The following CLVS1 variants were observed in gnomAD, a reference collection of about 807,000 sequenced individuals.
The protein encoded by CLVS1 is clavesin-1.
CLVS1 carries 10 observed loss-of-function variants against 33.1 expected under a neutral mutation model. The observed-to-expected ratio is 0.30, with a 90% CI of 0.19 to 0.51. CLVS1 has a LOEUF of 0.51. Ranked by LOEUF, CLVS1 falls within the 20% of genes least tolerant of loss-of-function variation. CLVS1 has a pLI of 0.97. For synonymous variants in CLVS1, 163 were observed against 166.1 expected, an observed-to-expected ratio of 0.98 and a Z score of 0.14; for missense variants, 343 against 433.4, an observed-to-expected ratio of 0.79 and a Z score of 1.85.
chr8:61,130,022 G>A (rs571044381), intron 1 of CLVS1, among the ~76,000 whole-genome samples: 1 of 152,082 alleles, frequency 6.6e-6, no homozygotes, highest in Non-Finnish European at 1.5e-5. Context: ...TGGATCACTT[G>A]AGGCCAGGAG....
the CLVS1 span, among the ~76,000 whole-genome samples, chr8:61,023,014 CAA>C: frequency 6.6e-6 from 1 of 152,158 alleles, no homozygotes; most frequent in Non-Finnish European, 1.5e-5. Context: ...AAGGGATGAG[CAA>C]AGTTTCTAAA....
intron 3 of CLVS1, among the ~76,000 whole-genome samples, chr8:61,411,337 A>G (rs182000907): frequency 6.6e-6 from 1 of 152,276 alleles, no homozygotes; most frequent in Non-Finnish European, 1.5e-5. Flanking sequence ...CTGTGAAGTG[A>G]CAGGTAAGCC....
At chr8:60,993,480 C>G in the CLVS1 span, among the ~76,000 whole-genome samples, 1 of 152,228 alleles carries the variant, frequency 6.6e-6, no homozygotes, top group Non-Finnish European at 1.5e-5. Context: ...AATCGCTTCA[C>G]CTCTGTGCCT....
intron 4 of CLVS1, 49 bp from the exon 5 acceptor site, chr8:61,458,258 C>T (rs376375169): frequency 1.9e-5 from 25 of 1,339,214 alleles, no homozygotes; most frequent in African/African-American, 1.6e-4. Flanking sequence ...AATCTTTGGT[C>T]GTATGTTTTG....
intron 2 of CLVS1, among the ~76,000 whole-genome samples, chr8:61,165,091 C>T (rs1484777059): frequency 1.3e-5 from 2 of 152,182 alleles, no homozygotes; most frequent in East Asian, 1.9e-4. Context: ...GTGTTCAGCT[C>T]GATTAGGACA....
chr8:61,063,588 G>A (rs1804625161), intron 1 of CLVS1, among the ~76,000 whole-genome samples: 1 of 152,210 alleles, frequency 6.6e-6, no homozygotes, highest in Non-Finnish European at 1.5e-5. Context: ...GTAAAGCCTA[G>A]TGGAGGTGAG....
chr8:61,098,402 G>GATATATATATATATATATATATATAT (rs59671943), intron 1 of CLVS1, among the ~76,000 whole-genome samples: 1 of 143,970 alleles, frequency 6.9e-6, no homozygotes, highest in African/African-American at 2.6e-5. Flanking sequence ...TAGGGAAACT[G>GATATATATATATATATATATATATAT]ATATATATAT....
intron 1 of CLVS1, among the ~76,000 whole-genome samples, chr8:61,087,481 C>A (rs1236926083): frequency 6.6e-6 from 1 of 152,096 alleles, no homozygotes; most frequent in East Asian, 1.9e-4. Context: ...TCCTCATGCT[C>A]CAACTCAGAG....
chr8:61,138,571 G>A (rs533971268), intron 2 of CLVS1, among the ~76,000 whole-genome samples: 1 of 151,848 alleles, frequency 6.6e-6, no homozygotes, highest in Non-Finnish European at 1.5e-5. Context: ...GATGGGCTTG[G>A]GAAGGGGAGA....
intron 2 of CLVS1, among the ~76,000 whole-genome samples, chr8:61,356,046 C>G (rs1812690208): frequency 6.6e-6 from 1 of 152,128 alleles, no homozygotes. Flanking sequence ...TAAAAGTGTT[C>G]CTATTTCTCC....
At chr8:61,035,924 G>A in the CLVS1 span, among the ~76,000 whole-genome samples, 1 of 151,986 alleles carries the variant, frequency 6.6e-6, no homozygotes, top group Admixed American at 6.6e-5. Context: ...TGACACTTTT[G>A]CGTGCACCTG....
chr8:60,993,372 C>CG, the CLVS1 span, among the ~76,000 whole-genome samples: 1 of 152,210 alleles, frequency 6.6e-6, no homozygotes, highest in East Asian at 1.9e-4. Context: ...GCTCTAGCAC[C>CG]GGGCACTCTA....
intron 1 of CLVS1, chr8:61,292,525 C>A (rs1810031631): frequency 2.6e-6 from 1 of 380,656 alleles, no homozygotes; most frequent in Non-Finnish European, 5.3e-6. Flanking sequence ...TAGAGAAATA[C>A]TCTTTCCCTT....
At chr8:61,242,734 A>T (rs1808721072) in intron 2 of CLVS1, among the ~76,000 whole-genome samples, 1 of 152,036 alleles carries the variant, frequency 6.6e-6, no homozygotes, top group East Asian at 1.9e-4. Flanking sequence ...AGTGAGCTGC[A>T]GTGAGCTGTG....
At chr8:60,980,950 T>C in the CLVS1 span, among the ~76,000 whole-genome samples, 1 of 152,012 alleles carries the variant, frequency 6.6e-6, no homozygotes, top group African/African-American at 2.4e-5. Flanking sequence ...GAGGAGGCCA[T>C]GTGGGTACAG....
chr8:61,210,225 G>C (rs1807943018), intron 2 of CLVS1, among the ~76,000 whole-genome samples: 1 of 152,200 alleles, frequency 6.6e-6, no homozygotes, highest in Admixed American at 6.5e-5. Context: ...GACTGGGTTA[G>C]TGTTCTTATG....
rs538850987 is a variant in CLVS1, at chr8:61,400,272, C to T, written c.630+23493C>T. Among the ~76,000 whole-genome samples the T allele has an allele frequency of 7.4e-4, 113 of 151,782 alleles. 2 individuals carry two copies. The highest frequency in any genetic ancestry group is 9.6e-4 in the Non-Finnish European group (65 of 67,844). ...CACTTCCCTTGTTAGCTGTATTCTT[C>T]GCATTTCATTCTTTTTGTGGCAATT... On this transcript the variant is annotated intron_variant, in intron 3 of 5. Coordinates refer to ENST00000325897, the MANE Select transcript of CLVS1 (RefSeq NM_173519.3).
intron 2 of CLVS1, among the ~76,000 whole-genome samples, chr8:61,271,986 C>A (rs1454989440): frequency 2.6e-5 from 4 of 151,606 alleles, no homozygotes; most frequent in African/African-American, 9.7e-5. Flanking sequence ...GCATTTAGTC[C>A]ATTTACATTT....
At chr8:61,204,807 C>A (rs1469567931) in intron 2 of CLVS1, among the ~76,000 whole-genome samples, 2 of 152,154 alleles carry the variant, frequency 1.3e-5, no homozygotes, top group African/African-American at 2.4e-5. Flanking sequence ...TCTTCAAGAG[C>A]TTTTGCCACT....
Sources: gnomAD v4.1 joint callset for allele counts (sites outside exome capture counted in the v4.1 genomes callset) on GRCh38, gnomAD v4.1.1 for gene constraint, MANE v1.5 for transcripts, NCBI Gene and HGNC (gene_info 2026-07-23, HGNC 2026-07-21) for gene names.